The following TLN2 variants were observed in gnomAD, a reference collection of about 807,000 sequenced individuals.
TLN2 encodes talin 2, also known as talin-2.
Under a neutral mutation model 294.7 loss-of-function variants are expected in TLN2, and 118 were observed. That is an observed-to-expected ratio of 0.40 (90% CI 0.34 to 0.47). TLN2 has a LOEUF of 0.47. Ranked by LOEUF, TLN2 falls within the 20% of genes least tolerant of loss-of-function variation. TLN2 has a pLI of 0.84. For missense variants in TLN2, 3,083 were observed against 3,282.2 expected, an observed-to-expected ratio of 0.94 and a Z score of 1.48; for synonymous variants, 1,431 against 1,304.5, an observed-to-expected ratio of 1.10 and a Z score of -2.09.
chr15:62,773,921 G>A (rs1422228282), intron 42 of TLN2, among the ~76,000 whole-genome samples: 1 of 152,084 alleles, frequency 6.6e-6, no homozygotes, highest in African/African-American at 2.4e-5. Context: ...TGAATTACCT[G>A]CTTACCGAGG....
intron 34 of TLN2, among the ~76,000 whole-genome samples, chr15:62,751,919 A>G (rs2061960416): frequency 1.3e-5 from 2 of 152,228 alleles, no homozygotes; most frequent in Non-Finnish European, 2.9e-5. Context: ...GACAAATGAT[A>G]TCTGGAAGGG....
intron 33 of TLN2, among the ~76,000 whole-genome samples, 198 bp from the exon 34 acceptor site, chr15:62,750,204 C>A (rs2140993256): frequency 2.6e-5 from 4 of 152,340 alleles, no homozygotes; most frequent in Middle Eastern, 6.8e-3. Flanking sequence ...GAGACCCCCT[C>A]CCCTATAATG....
At chr15:62,631,505 T>C (rs1460576115) in intron 3 of TLN2, among the ~76,000 whole-genome samples, 14 of 137,820 alleles carry the variant, frequency 1.0e-4, no homozygotes, top group Admixed American at 6.5e-4. Context: ...CTTCCTCTTT[T>C]CTTTCTTTCT....
intron 2 of TLN2, among the ~76,000 whole-genome samples, chr15:62,614,552 C>A (rs1158146361): frequency 6.6e-6 from 1 of 152,166 alleles, no homozygotes; most frequent in African/African-American, 2.4e-5. Context: ...CGCCACCTCT[C>A]TGCTCGAAAG....
chr15:62,779,556 AG>A (rs1161523041), intron 43 of TLN2, among the ~76,000 whole-genome samples: 2 of 152,234 alleles, frequency 1.3e-5, no homozygotes, highest in East Asian at 3.8e-4. Context: ...TCCTCAGACT[AG>A]TTAAAGGTTC....
intron 1 of TLN2, among the ~76,000 whole-genome samples, chr15:62,558,268 G>C (rs1424098631): frequency 6.6e-6 from 1 of 152,158 alleles, no homozygotes; most frequent in African/African-American, 2.4e-5. Context: ...TCATCCATCT[G>C]ATGTAGATAT....
At chr15:62,674,028 A>G in intron 10 of TLN2, 138 bp downstream of exon 10, 1 of 583,850 alleles carries the variant, frequency 1.7e-6, no homozygotes, top group South Asian at 2.8e-5. Flanking sequence ...ACTCAAGAGT[A>G]TAGAAGCTGA....
chr15:62,484,145 G>A (rs1225450120), intron 1 of TLN2, among the ~76,000 whole-genome samples: 1 of 152,152 alleles, frequency 6.6e-6, no homozygotes, highest in Non-Finnish European at 1.5e-5. Flanking sequence ...ATCAGAGGAA[G>A]GACAAAAGCT....
chr15:62,685,656 C>G (rs1250877714), intron 11 of TLN2, among the ~76,000 whole-genome samples: 3 of 152,102 alleles, frequency 2.0e-5, no homozygotes, highest in African/African-American at 7.2e-5. Flanking sequence ...GAAACCTTAG[C>G]TATTTTAAGT....
At chr15:62,749,626 C>G (rs2061809715) in intron 33 of TLN2, among the ~76,000 whole-genome samples, 1 of 152,186 alleles carries the variant, frequency 6.6e-6, no homozygotes, top group African/African-American at 2.4e-5. Flanking sequence ...CCCCACCAGC[C>G]TTTGTAACTC....
At chr15:62,395,020 ATTTG>A (rs2032417845) in intron 1 of TLN2, among the ~76,000 whole-genome samples, 1 of 152,130 alleles carries the variant, frequency 6.6e-6, no homozygotes, top group South Asian at 2.1e-4. Flanking sequence ...AGGAATGAAC[ATTTG>A]TATTTTCTTT....
intron 32 of TLN2, among the ~76,000 whole-genome samples, chr15:62,742,262 ATG>A (rs2061382046): frequency 6.6e-6 from 1 of 151,970 alleles, no homozygotes; most frequent in Non-Finnish European, 1.5e-5. Context: ...GGTGGGAGAG[ATG>A]GGAGGTGGGG....
intron 3 of TLN2, among the ~76,000 whole-genome samples, chr15:62,622,165 G>A (rs2048890596): frequency 6.7e-6 from 1 of 148,848 alleles, no homozygotes; most frequent in Non-Finnish European, 1.5e-5. Context: ...GTAGGCCTTG[G>A]TATTATTAAT....
At chr15:62,838,780 G>C in intron 57 of TLN2, 76 bp from the exon 58 acceptor site, 1 of 1,564,000 alleles carries the variant, frequency 6.4e-7, no homozygotes, top group Non-Finnish European at 8.7e-7. Flanking sequence ...CTCACAAACT[G>C]TACCTTCATG....
chr15:62,596,339 G>A (rs552169037), intron 2 of TLN2, among the ~76,000 whole-genome samples: 10 of 149,412 alleles, frequency 6.7e-5, no homozygotes, highest in African/African-American at 2.5e-4. Flanking sequence ...AAAAAAATAC[G>A]TTAACATATG....
chr15:62,697,264 C>G (rs1363273145), intron 14 of TLN2, among the ~76,000 whole-genome samples: 1 of 152,014 alleles, frequency 6.6e-6, no homozygotes, highest in East Asian at 1.9e-4. Context: ...TGTACCACCA[C>G]TCGGGACTGA....
At chr15:62,678,641 G>A (rs2056491542) in intron 11 of TLN2, among the ~76,000 whole-genome samples, 1 of 152,142 alleles carries the variant, frequency 6.6e-6, no homozygotes, top group Non-Finnish European at 1.5e-5. Context: ...GACCAGCCTG[G>A]CCAACATAGT....
intron 1 of TLN2, among the ~76,000 whole-genome samples, chr15:62,565,282 T>A (rs1002603422): frequency 2.6e-5 from 4 of 152,324 alleles, no homozygotes; most frequent in African/African-American, 9.6e-5. Flanking sequence ...TTCATTAGTT[T>A]GGGATAATGA....
chr15:62,675,693 C>T (rs185681485), intron 11 of TLN2, among the ~76,000 whole-genome samples: 477 of 152,308 alleles, frequency 3.1e-3, no homozygotes, highest in Non-Finnish European at 4.1e-3. Flanking sequence ...CAGACCAAAT[C>T]GAATTCATGT....
Sources: allele counts gnomAD v4.1 joint callset (sites outside exome capture counted in the v4.1 genomes callset), GRCh38; gene constraint gnomAD v4.1.1; transcripts MANE v1.5; gene names NCBI Gene and HGNC (gene_info 2026-07-23, HGNC 2026-07-21).